Variants in SLC71A2 observed in about 807,000 individuals in gnomAD.
SLC71A2 encodes the protein solute carrier family 71 member 2.
the SLC71A2 span, among the ~76,000 whole-genome samples, chr9:94,379,207 C>A: frequency 6.6e-6 from 1 of 150,860 alleles, no homozygotes; most frequent in Admixed American, 6.6e-5. Context: ...CTGCCTCAGC[C>A]TCCCATGTAG....
At chr9:94,459,551 C>T in the SLC71A2 span, 3 of 703,538 alleles carry the variant, frequency 4.3e-6, no homozygotes, top group African/African-American at 1.8e-5. Context: ...CCACCGCCAT[C>T]ATTCTGCTCA....
At chr9:94,400,748 A>C in the SLC71A2 span, among the ~76,000 whole-genome samples, 1 of 152,256 alleles carries the variant, frequency 6.6e-6, no homozygotes, top group East Asian at 1.9e-4. Context: ...ACATGTACTG[A>C]GGCTCACTCT....
chr9:94,391,999 T>TGGTCC, the SLC71A2 span, among the ~76,000 whole-genome samples: 11 of 152,140 alleles, frequency 7.2e-5, no homozygotes, highest in African/African-American at 2.7e-4. Context: ...ATTACAGGCA[T>TGGTCC]GAACCATTGC....
the SLC71A2 span, among the ~76,000 whole-genome samples, chr9:94,391,807 T>C: frequency 6.6e-6 from 1 of 151,408 alleles, no homozygotes; most frequent in Middle Eastern, 3.4e-3. Context: ...GAAAATCCCT[T>C]GAACGAGGTT....
chr9:94,409,808 C>T, the SLC71A2 span, among the ~76,000 whole-genome samples: 1 of 151,452 alleles, frequency 6.6e-6, no homozygotes, highest in African/African-American at 2.4e-5. Flanking sequence ...TCTGTGTGGT[C>T]AAGAACATAG....
At chr9:94,459,342 T>C in the SLC71A2 span, 1 of 1,614,134 alleles carries the variant, frequency 6.2e-7, no homozygotes. Context: ...ATTGAGCCAC[T>C]ACTGCAAGAC....
the SLC71A2 span, among the ~76,000 whole-genome samples, chr9:94,456,492 C>G: frequency 6.6e-6 from 1 of 152,208 alleles, no homozygotes; most frequent in African/African-American, 2.4e-5. Flanking sequence ...TAGGAACATT[C>G]TATTTTCCTC....
At chr9:94,454,003 A>G in the SLC71A2 span, 1 of 1,614,132 alleles carries the variant, frequency 6.2e-7, no homozygotes, top group East Asian at 2.2e-5. Context: ...AAATAAGAAT[A>G]CTGTCCTCCT....
the SLC71A2 span, among the ~76,000 whole-genome samples, chr9:94,377,931 C>T: frequency 6.6e-6 from 1 of 152,016 alleles, no homozygotes; most frequent in African/African-American, 2.4e-5. Context: ...ATGGTGAAAT[C>T]CTGTCTCTAT....
At chr9:94,398,539 A>G in the SLC71A2 span, among the ~76,000 whole-genome samples, 1 of 151,946 alleles carries the variant, frequency 6.6e-6, no homozygotes, top group African/African-American at 2.4e-5. Context: ...ACTTAATCTA[A>G]ATGGGTCCAG....
chr9:94,446,717 T>C, the SLC71A2 span: 1 of 536,618 alleles, frequency 1.9e-6, no homozygotes. Context: ...CATTTGACTT[T>C]TGTTATTCAT....
chr9:94,416,141 G>A, the SLC71A2 span, among the ~76,000 whole-genome samples: 1 of 152,162 alleles, frequency 6.6e-6, no homozygotes, highest in Admixed American at 6.5e-5. Flanking sequence ...ATATTAGGTG[G>A]CTTACAACTA....
the SLC71A2 span, among the ~76,000 whole-genome samples, chr9:94,424,321 G>C: frequency 1.3e-5 from 2 of 151,782 alleles, no homozygotes; most frequent in Non-Finnish European, 2.9e-5. Flanking sequence ...TGCAACCTCC[G>C]CCTTCTGGGT....
the SLC71A2 span, among the ~76,000 whole-genome samples, chr9:94,450,493 C>CTTTTTTTTTTTTTTTTTTTTTTTTT: frequency 1.6e-4 from 16 of 102,018 alleles, 3 homozygotes; most frequent in African/African-American, 2.6e-4. Flanking sequence ...AATAATGTAA[C>CTTTTTTTTTTTTTTTTTTTTTTTTT]TTTTTTTTTT....
At chr9:94,450,830 T>G in the SLC71A2 span, among the ~76,000 whole-genome samples, 4 of 152,200 alleles carry the variant, frequency 2.6e-5, no homozygotes, top group African/African-American at 9.7e-5. Context: ...ATTTAAGTCT[T>G]AAAAGTTGTA....
the SLC71A2 span, among the ~76,000 whole-genome samples, chr9:94,384,419 G>A: frequency 2.0e-5 from 3 of 150,880 alleles, no homozygotes; most frequent in Admixed American, 2.0e-4. Flanking sequence ...GCTCAGTGGA[G>A]CCTCGACCTC....
At chr9:94,446,769 G>T in the SLC71A2 span, 2 of 888,498 alleles carry the variant, frequency 2.3e-6, no homozygotes, top group East Asian at 2.5e-5. Context: ...CCAGAACATT[G>T]GCAACATTAA....
At chr9:94,450,507 T>TTTTTTTTTTC in the SLC71A2 span, among the ~76,000 whole-genome samples, 2 of 137,310 alleles carry the variant, frequency 1.5e-5, no homozygotes, top group South Asian at 2.2e-4. Flanking sequence ...TTTTTTTTTT[T>TTTTTTTTTTC]GAGATGGAGT....
the SLC71A2 span, among the ~76,000 whole-genome samples, chr9:94,408,449 T>A: frequency 7.2e-5 from 11 of 152,320 alleles, no homozygotes; most frequent in African/African-American, 2.6e-4. Flanking sequence ...AAGTGCTCTC[T>A]CCTCTTCATG....
Sources: allele counts gnomAD v4.1 joint callset (sites outside exome capture counted in the v4.1 genomes callset), GRCh38; gene constraint gnomAD v4.1.1; transcripts MANE v1.5; gene names NCBI Gene and HGNC (gene_info 2026-07-23, HGNC 2026-07-21).